REDIC1: variants seen among roughly 807,000 people sequenced by gnomAD.
The protein encoded by REDIC1 is regulator of DNA class I crossover intermediates 1.
chr12:39,642,975 C>T, the REDIC1 span, among the ~76,000 whole-genome samples: 1 of 151,704 alleles, frequency 6.6e-6, no homozygotes, highest in African/African-American at 2.4e-5. Context: ...CAAATTATGA[C>T]CTCTTGCACT....
the REDIC1 span, among the ~76,000 whole-genome samples, chr12:39,689,737 TGTG>T: frequency 1.3e-5 from 2 of 152,020 alleles, no homozygotes; most frequent in African/African-American, 4.8e-5. Context: ...AGGAGGAAAA[TGTG>T]GTCAGTAGTG....
chr12:39,838,209 G>T, the REDIC1 span, among the ~76,000 whole-genome samples: 1 of 151,160 alleles, frequency 6.6e-6, no homozygotes, highest in South Asian at 2.1e-4. Context: ...GATGAAATTG[G>T]AAATCATCAT....
At chr12:39,839,087 C>T in the REDIC1 span, among the ~76,000 whole-genome samples, 1 of 152,012 alleles carries the variant, frequency 6.6e-6, no homozygotes, top group Non-Finnish European at 1.5e-5. Flanking sequence ...ACTCTCTTTC[C>T]CCTAACAGCT....
At chr12:39,821,936 T>C in the REDIC1 span, among the ~76,000 whole-genome samples, 1 of 152,192 alleles carries the variant, frequency 6.6e-6, no homozygotes, top group Admixed American at 6.5e-5. Flanking sequence ...TTTATTATTA[T>C]ACTTTAAGTT....
chr12:39,887,463 G>A, the REDIC1 span, among the ~76,000 whole-genome samples: 2 of 152,178 alleles, frequency 1.3e-5, no homozygotes, highest in South Asian at 4.2e-4. Flanking sequence ...GGCTTACAGT[G>A]GAATGTAAAA....
chr12:39,686,052 C>A, the REDIC1 span, among the ~76,000 whole-genome samples: 1 of 152,226 alleles, frequency 6.6e-6, no homozygotes, highest in Admixed American at 6.5e-5. Context: ...CAAGGTTCAG[C>A]CCCTGTGGCT....
chr12:39,855,450 C>A, the REDIC1 span, among the ~76,000 whole-genome samples: 1 of 152,140 alleles, frequency 6.6e-6, no homozygotes, highest in Admixed American at 6.5e-5. Context: ...TGTCATGGCC[C>A]TGGGGAAATG....
At chr12:39,647,980 A>T in the REDIC1 span, 10 of 1,502,388 alleles carry the variant, frequency 6.7e-6, no homozygotes, top group Non-Finnish European at 8.9e-6. Flanking sequence ...ATGACCAGGT[A>T]CCTTTGAATC....
chr12:39,813,328 T>G, the REDIC1 span, among the ~76,000 whole-genome samples: 189 of 152,234 alleles, frequency 1.2e-3, 1 homozygote, highest in Admixed American at 5.0e-3. Context: ...TATTTTCAAA[T>G]ATATTCAAAA....
chr12:39,896,256 GTA>G, the REDIC1 span, among the ~76,000 whole-genome samples: 806 of 88,858 alleles, frequency 9.1e-3, 13 homozygotes, highest in African/African-American at 0.032. Context: ...ATACATGTAT[GTA>G]TATGTGTGTA....
the REDIC1 span, among the ~76,000 whole-genome samples, chr12:39,684,463 A>G: frequency 1.3e-5 from 2 of 152,206 alleles, no homozygotes; most frequent in Non-Finnish European, 2.9e-5. Flanking sequence ...TTTTAGTGGG[A>G]TTGGCACTAC....
the REDIC1 span, among the ~76,000 whole-genome samples, chr12:39,857,795 T>G: frequency 8.5e-5 from 13 of 152,338 alleles, no homozygotes; most frequent in South Asian, 1.4e-3. Context: ...TGACCCAGTC[T>G]TGTTGGTCAA....
chr12:39,855,573 GT>G, the REDIC1 span, among the ~76,000 whole-genome samples: 15 of 152,006 alleles, frequency 9.9e-5, no homozygotes, highest in Middle Eastern at 3.4e-3. Context: ...GAGGAAGGCT[GT>G]TTTTTTTGTT....
chr12:39,787,214 C>T, the REDIC1 span, among the ~76,000 whole-genome samples: 1 of 152,142 alleles, frequency 6.6e-6, no homozygotes, highest in Non-Finnish European at 1.5e-5. Flanking sequence ...TCTGGCTTCA[C>T]CACTTACTAC....
the REDIC1 span, among the ~76,000 whole-genome samples, chr12:39,687,341 C>T: frequency 6.6e-6 from 1 of 152,270 alleles, no homozygotes; most frequent in African/African-American, 2.4e-5. Context: ...TTAATTGGCT[C>T]ACGGTTTCAC....
At chr12:39,811,105 C>T in the REDIC1 span, among the ~76,000 whole-genome samples, 1 of 151,894 alleles carries the variant, frequency 6.6e-6, no homozygotes, top group Non-Finnish European at 1.5e-5. Flanking sequence ...ATTTAGTTTT[C>T]CTATTTCTTT....
chr12:39,775,146 G>T, the REDIC1 span, among the ~76,000 whole-genome samples: 9 of 152,226 alleles, frequency 5.9e-5, no homozygotes, highest in East Asian at 1.4e-3. Flanking sequence ...CATAGATAGA[G>T]AATTAGAAAC....
chr12:39,734,288 T>C, the REDIC1 span, among the ~76,000 whole-genome samples: 1 of 152,186 alleles, frequency 6.6e-6, no homozygotes, highest in Non-Finnish European at 1.5e-5. Context: ...CAGATGGAAA[T>C]GCAGAAATCA....
the REDIC1 span, among the ~76,000 whole-genome samples, chr12:39,857,050 C>G: frequency 6.6e-6 from 1 of 152,104 alleles, no homozygotes; most frequent in Admixed American, 6.6e-5. Flanking sequence ...AATAAAACTC[C>G]AAGTTGGTTT....
Sources: gnomAD v4.1 joint callset for allele counts (sites outside exome capture counted in the v4.1 genomes callset) on GRCh38, gnomAD v4.1.1 for gene constraint, MANE v1.5 for transcripts, NCBI Gene and HGNC (gene_info 2026-07-23, HGNC 2026-07-21) for gene names.